Variants in ATL2 observed in about 807,000 individuals in gnomAD.
ATL2 encodes atlastin-2.
A neutral mutation model predicts 73.9 loss-of-function variants in ATL2; 31 were observed. The ratio of observed to expected loss-of-function variants is 0.42; its 90% CI spans 0.32 to 0.57. ATL2 has a LOEUF of 0.57. Ranked by LOEUF, ATL2 falls within the 20% of genes least tolerant of loss-of-function variation. The pLI, the probability that ATL2 is intolerant of heterozygous loss-of-function variation, is 0.14. For synonymous variants in ATL2, 291 were observed against 237.5 expected (o/e 1.23, Z -2.07); for missense variants, 738 against 702.6 (o/e 1.05, Z -0.57).
In ATL2 at chr2:38,377,214, C is replaced by A. The variant is rs201541581; in HGVS notation, c.47G>T (p.Gly16Val). 2.4e-5 allele frequency: 39 copies of A among 1,608,270 alleles called. No homozygotes were observed. The East Asian group carries it at 8.1e-4, about 33-fold the overall frequency. Residue 16 changes from glycine (G) to valine (V), a missense_variant, in exon 1 of 13, where the codon GGG (glycine) becomes GTG (valine). Coordinates refer to ENST00000378954, the MANE Select transcript of ATL2 (RefSeq NM_001135673.4). ...EAARGQQPHQGLWRRRRTSDP... is the reference protein window; with the variant it reads ...EAARGQQPHQVLWRRRRTSDP... The stretch of plus-strand genomic sequence containing the variant: ...GCTGGTCCGTCGCCGGCGCCACAGC[C>A]CCTGGTGCGGTTGCTGCCCTCGCGC...
chr2:38,376,232 C>A, intron 1 of ATL2: 3 of 1,470,432 alleles, frequency 2.0e-6, no homozygotes, highest in Admixed American at 2.4e-5. Context: ...AGTGAGAGAT[C>A]AAACGCTAAA....
At chr2:38,310,582 A>T (rs558697052) in intron 7 of ATL2, 135 bp from the exon 8 acceptor site, 40 of 607,366 alleles carry the variant, frequency 6.6e-5, no homozygotes, top group Non-Finnish European at 1.0e-4. Context: ...TTTTGACAAT[A>T]CAAAAAATTA....
chr2:38,373,451 T>G (rs183158537), intron 1 of ATL2, among the ~76,000 whole-genome samples: 1 of 152,346 alleles, frequency 6.6e-6, no homozygotes, highest in East Asian at 1.9e-4. Context: ...GGGAATCCCC[T>G]ACATTCTACT....
chr2:38,327,062 A>G (rs1481509858), intron 2 of ATL2, among the ~76,000 whole-genome samples: 2 of 125,754 alleles, frequency 1.6e-5, no homozygotes, highest in Non-Finnish European at 3.0e-5. Flanking sequence ...TGGAAAAAAG[A>G]AAAAAAAACC....
At chr2:38,299,783 A>AC (rs1230676597) in intron 10 of ATL2, among the ~76,000 whole-genome samples, 11 of 152,240 alleles carry the variant, frequency 7.2e-5, no homozygotes, top group African/African-American at 2.7e-4. Context: ...AGCCTAAAGT[A>AC]GTAAATGTTT....
chr2:38,344,245 C>T (rs1302083839), intron 1 of ATL2, among the ~76,000 whole-genome samples: 1 of 152,150 alleles, frequency 6.6e-6, no homozygotes, highest in Non-Finnish European at 1.5e-5. Context: ...TACTTCAAAT[C>T]CCAATTTTCC....
intron 9 of ATL2, among the ~76,000 whole-genome samples, chr2:38,303,306 A>G (rs568082358): frequency 6.6e-6 from 1 of 152,124 alleles, no homozygotes; most frequent in South Asian, 2.1e-4. Flanking sequence ...CCCAGGCTCA[A>G]AGGATCCTCC....
intron 4 of ATL2, 56 bp from the exon 5 acceptor site, chr2:38,315,390 C>T (rs1667977564): frequency 6.8e-7 from 1 of 1,469,218 alleles, no homozygotes; most frequent in Non-Finnish European, 9.0e-7. Flanking sequence ...GAATACCCAG[C>T]TTCTGTATAA....
intron 9 of ATL2, among the ~76,000 whole-genome samples, chr2:38,301,548 T>C (rs372251232): frequency 1.3e-5 from 2 of 152,228 alleles, no homozygotes; most frequent in Admixed American, 6.5e-5. Context: ...AACCACATGG[T>C]GTGGAGAGAC....
intron 2 of ATL2, among the ~76,000 whole-genome samples, chr2:38,323,310 T>G (rs540472650): frequency 1.4e-5 from 2 of 140,276 alleles, no homozygotes; most frequent in East Asian, 4.2e-4. Context: ...ATTTATAGAA[T>G]AAAACTCAAC....
intron 2 of ATL2, among the ~76,000 whole-genome samples, chr2:38,342,997 T>A (rs1669811214): frequency 6.6e-6 from 1 of 150,678 alleles, no homozygotes; most frequent in South Asian, 2.1e-4. Context: ...AAAGTTTTTT[T>A]AAGAGTTGGG....
At chr2:38,302,132 G>GCT (rs1667222085) in intron 9 of ATL2, among the ~76,000 whole-genome samples, 1 of 152,134 alleles carries the variant, frequency 6.6e-6, no homozygotes, top group Non-Finnish European at 1.5e-5. Flanking sequence ...GTCCTGGCAG[G>GCT]GTTCATCACG....
chr2:38,324,051 G>A (rs1229324476), intron 2 of ATL2, among the ~76,000 whole-genome samples: 1 of 152,182 alleles, frequency 6.6e-6, no homozygotes, highest in African/African-American at 2.4e-5. Flanking sequence ...CGAGGCGGGC[G>A]GATCACCTGA....
rs575936782 is a variant in ATL2 at position 38,294,220 on chromosome 2, C to T, written c.*1774G>A. On this transcript the variant is annotated 3_prime_UTR_variant, in exon 13 of 13. Transcript: ENST00000378954. ...CCAAAGTAAATTCAGAGTTTTCACA[C>T]ATGCAACTCAACACCTGCATTCTCT... 1.3e-5 allele frequency among the ~76,000 whole-genome samples: 2 copies of T among 152,348 alleles called. No homozygotes were observed. Among genetic ancestry groups the T allele is most frequent in the South Asian group, 4.1e-4 (2 of 4,828 alleles).
intron 1 of ATL2, among the ~76,000 whole-genome samples, chr2:38,367,332 G>A (rs983570683): frequency 7.3e-5 from 11 of 151,572 alleles, no homozygotes; most frequent in Non-Finnish European, 1.3e-4. Context: ...GGCCGGGCGC[G>A]GTGGCTCATG....
chr2:38,296,677 G>A, intron 12 of ATL2: 1 of 1,567,236 alleles, frequency 6.4e-7, no homozygotes, highest in African/African-American at 1.4e-5. Context: ...GAGACTGTAG[G>A]TTTCTCACCT....
intron 1 of ATL2, chr2:38,354,170 G>A: frequency 2.4e-6 from 1 of 421,492 alleles, no homozygotes; most frequent in Non-Finnish European, 4.6e-6. Flanking sequence ...TGGCGACAGA[G>A]CAAGACTCTG....
chr2:38,312,470 G>A (rs1667807536), intron 7 of ATL2, among the ~76,000 whole-genome samples: 1 of 151,992 alleles, frequency 6.6e-6, no homozygotes, highest in Non-Finnish European at 1.5e-5. Flanking sequence ...CAGCACTTTG[G>A]GAGGCCGAGG....
intron 1 of ATL2, chr2:38,376,376 G>T (rs1463748201): frequency 8.1e-5 from 52 of 639,484 alleles, no homozygotes; most frequent in Non-Finnish European, 1.2e-4. Flanking sequence ...GGGAGCCAAG[G>T]ATCAGGTGAC....
Sources: gnomAD v4.1 joint callset for allele counts (sites outside exome capture counted in the v4.1 genomes callset) on GRCh38, gnomAD v4.1.1 for gene constraint, MANE v1.5 for transcripts, NCBI Gene and HGNC (gene_info 2026-07-23, HGNC 2026-07-21) for gene names.